USP32: variants seen among roughly 807,000 people sequenced by gnomAD.
The protein encoded by USP32 is ubiquitin carboxyl-terminal hydrolase 32.
A neutral mutation model predicts 204.8 loss-of-function variants in USP32; 59 were observed. That is an observed-to-expected ratio of 0.29 (90% CI 0.23 to 0.36). The LOEUF is 0.36. USP32 is among the 10% of genes least tolerant of loss of function. USP32 has a pLI of 1.00. For synonymous variants in USP32, 517 were observed against 678.4 expected, an observed-to-expected ratio of 0.76 and a Z score of 3.70; for missense variants, 1,160 against 1,946.4, an observed-to-expected ratio of 0.60 and a Z score of 7.60.
At position 60,242,910 on chromosome 17, in the gene USP32, T is replaced by C. The variant is rs369875236; in HGVS notation, c.1137-6670A>G. Among the ~76,000 whole-genome samples the C allele has an allele frequency of 1.4e-3, 214 of 152,322 alleles. 1 individual carries two copies. Among genetic ancestry groups the C allele is most frequent in the African/African-American group, 4.8e-3 (200 of 41,584 alleles). ...AATTTAGGAATAGCTTGTCAATTTA[T>C]AGAAAAAAGCTGGGATTTGATTAGG... On this transcript the variant is annotated intron_variant, in intron 11 of 33. Transcript: ENST00000300896.
rs2084809639 is a variant in USP32, at chr17:60,205,733, A to T, written c.3038-75T>A. 8 of 1,367,856 alleles carry T rather than the reference A, an allele frequency of 5.8e-6. No individual in the cohort carries two copies. The South Asian group carries it at 1.1e-4, about 18-fold the overall frequency. 84.7% of individuals were successfully genotyped at this position (1,367,856 alleles called of 1,614,324 possible). ...CTTTGCTCTTTTCTCAAGTATCCTG[A>T]GGACCAGAGACAGTGTAGTCTCTTA... is the stretch of plus-strand genomic sequence containing the variant. On this transcript the variant is annotated intron_variant, in intron 25 of 33. Coordinates refer to ENST00000300896, the MANE Select transcript of USP32 (RefSeq NM_032582.4).
intron 1 of USP32, among the ~76,000 whole-genome samples, chr17:60,359,866 A>C (rs2089164133): frequency 6.6e-6 from 1 of 151,960 alleles, no homozygotes; most frequent in Admixed American, 6.6e-5. Context: ...TTGTAAGACA[A>C]AGATTTTTTT....
intron 1 of USP32, among the ~76,000 whole-genome samples, chr17:60,386,727 G>C (rs758590351): frequency 1.8e-4 from 28 of 152,096 alleles, no homozygotes; most frequent in Admixed American, 4.6e-4. Context: ...TGGTAAATGG[G>C]GAGCTCACTA....
chr17:60,345,633 GT>G, intron 1 of USP32, 25 bp from the exon 2 acceptor site: 1 of 1,613,362 alleles, frequency 6.2e-7, no homozygotes, highest in African/African-American at 1.3e-5. Context: ...CAGAAGATGG[GT>G]AAGAAATCAG....
At chr17:60,180,689 C>T (rs748702503) in intron 32 of USP32, 52 bp from the exon 33 acceptor site, 3 of 1,538,346 alleles carry the variant, frequency 2.0e-6, no homozygotes, top group Non-Finnish European at 2.7e-6. Flanking sequence ...GTACTATGGC[C>T]AGGGTATAGC....
At chr17:60,325,358 C>T (rs1045575351) in intron 2 of USP32, among the ~76,000 whole-genome samples, 1 of 152,026 alleles carries the variant, frequency 6.6e-6, no homozygotes, top group Admixed American at 6.6e-5. Context: ...GCAGAGGTTG[C>T]AGTGAGCCAA....
chr17:60,189,173 A>C (rs2084318512), intron 29 of USP32, among the ~76,000 whole-genome samples: 2 of 152,226 alleles, frequency 1.3e-5, no homozygotes, highest in Non-Finnish European at 2.9e-5. Context: ...GATCTAGAAC[A>C]TTAGTTTCTC....
At chr17:60,203,813 G>A (rs2084752411) in intron 26 of USP32, among the ~76,000 whole-genome samples, 1 of 152,254 alleles carries the variant, frequency 6.6e-6, no homozygotes, top group South Asian at 2.1e-4. Context: ...CTGACCTCAC[G>A]ATCCACCCGC....
intron 5 of USP32, among the ~76,000 whole-genome samples, chr17:60,275,301 A>G (rs1409761942): frequency 6.6e-6 from 1 of 152,142 alleles, no homozygotes; most frequent in African/African-American, 2.4e-5. Flanking sequence ...TACTAAAAAT[A>G]CAAAAATTAG....
In USP32 at chr17:60,203,615, C is replaced by T. The variant is rs35599352; in HGVS notation, c.3249+1832G>A. The stretch of plus-strand genomic sequence containing the variant: ...ATTTAAGACGGAGTTTTGCTCTTGT[C>T]GCCCAGGCTGGAGTGCAATGGCACG... On this transcript the variant is annotated intron_variant, in intron 26 of 33. Transcript: ENST00000300896. 7.3e-3 allele frequency among the ~76,000 whole-genome samples: 1,105 copies of T among 151,860 alleles called. 16 individuals are homozygous for T. The highest frequency in any genetic ancestry group is 0.026 in the African/African-American group (1,061 of 41,452).
intron 11 of USP32, among the ~76,000 whole-genome samples, chr17:60,251,533 T>C (rs1045815558): frequency 1.3e-5 from 2 of 152,190 alleles, no homozygotes; most frequent in Non-Finnish European, 2.9e-5. Flanking sequence ...ACAGTACCTA[T>C]TGAGAGTTTA....
intron 2 of USP32, among the ~76,000 whole-genome samples, chr17:60,310,773 C>T (rs2087834430): frequency 6.6e-6 from 1 of 152,074 alleles, no homozygotes; most frequent in Admixed American, 6.6e-5. Flanking sequence ...TGGTGGTTCA[C>T]GCCTGTAATC....
chr17:60,257,292 T>C (rs2086334608), intron 9 of USP32, among the ~76,000 whole-genome samples: 1 of 152,166 alleles, frequency 6.6e-6, no homozygotes, highest in Non-Finnish European at 1.5e-5. Flanking sequence ...TCCTTCGGCA[T>C]GCACAGTTAT....
intron 11 of USP32, chr17:60,245,450 C>T: frequency 2.8e-6 from 1 of 352,834 alleles, no homozygotes; most frequent in South Asian, 2.7e-5. Context: ...ACATTGCGGA[C>T]CAGGAAATTC....
chr17:60,421,579 G>A, intron 1 of USP32: 1 of 985,244 alleles, frequency 1.0e-6, no homozygotes, highest in South Asian at 4.7e-5. Flanking sequence ...AAGGTGGCTC[G>A]AGTGAGGAAA....
intron 2 of USP32, among the ~76,000 whole-genome samples, chr17:60,323,606 T>G (rs2088163307): frequency 6.6e-6 from 1 of 152,210 alleles, no homozygotes; most frequent in South Asian, 2.1e-4. Context: ...TAGTGTGACA[T>G]GTAAATTATA....
At chr17:60,342,839 C>T (rs752811564) in intron 2 of USP32, among the ~76,000 whole-genome samples, 1 of 152,172 alleles carries the variant, frequency 6.6e-6, no homozygotes, top group Non-Finnish European at 1.5e-5. Flanking sequence ...CATGGATTCC[C>T]GTGGCTAGGA....
chr17:60,357,791 G>A (rs570313045), intron 1 of USP32, among the ~76,000 whole-genome samples: 8 of 150,956 alleles, frequency 5.3e-5, no homozygotes, highest in African/African-American at 1.7e-4. Flanking sequence ...TTTTTGAGAC[G>A]GAGTTTCACT....
intron 9 of USP32, among the ~76,000 whole-genome samples, chr17:60,255,760 A>G (rs2086286053): frequency 6.6e-6 from 1 of 152,240 alleles, no homozygotes; most frequent in South Asian, 2.1e-4. Context: ...TTAATCATAT[A>G]TGGTTGGTAA....
Sources: allele counts gnomAD v4.1 joint callset (sites outside exome capture counted in the v4.1 genomes callset), GRCh38; gene constraint gnomAD v4.1.1; transcripts MANE v1.5; gene names NCBI Gene and HGNC (gene_info 2026-07-23, HGNC 2026-07-21).